The following MARCHF1 variants were observed in gnomAD, a reference collection of about 807,000 sequenced individuals.
MARCHF1 encodes E3 ubiquitin-protein ligase MARCHF1.
MARCHF1 carries 40 observed loss-of-function variants against 54.2 expected under a neutral mutation model. The ratio of observed to expected loss-of-function variants is 0.74; its 90% CI spans 0.57 to 0.96. MARCHF1 has a LOEUF of 0.96. Among genes scored for constraint, MARCHF1 ranks in the 40% least tolerant of loss-of-function variants. The pLI, the probability that MARCHF1 is intolerant of heterozygous loss-of-function variation, is 0.00. For missense variants in MARCHF1, 586 were observed against 656.5 expected, an observed-to-expected ratio of 0.89 and a Z score of 1.17; for synonymous variants, 236 against 236.3, an observed-to-expected ratio of 1.00 and a Z score of 0.01.
intron 1 of MARCHF1, among the ~76,000 whole-genome samples, chr4:164,158,337 T>C (rs753191800): frequency 6.6e-6 from 1 of 152,134 alleles, no homozygotes; most frequent in Non-Finnish European, 1.5e-5. Context: ...GAACCAAATA[T>C]GTGAATATGG....
intron 4 of MARCHF1, among the ~76,000 whole-genome samples, chr4:163,783,594 TTTG>T (rs2110913465): frequency 6.6e-6 from 1 of 152,342 alleles, no homozygotes; most frequent in Admixed American, 6.5e-5. Context: ...GATTTTTCCT[TTTG>T]TTTTCTTTGT....
At chr4:163,729,017 T>C (rs1206602082) in intron 4 of MARCHF1, among the ~76,000 whole-genome samples, 2 of 152,152 alleles carry the variant, frequency 1.3e-5, no homozygotes, top group Non-Finnish European at 2.9e-5. Flanking sequence ...TTCTTCTGTA[T>C]CTATTGATGT....
At chr4:163,860,441 A>G (rs1394197537) in intron 3 of MARCHF1, among the ~76,000 whole-genome samples, 1 of 152,160 alleles carries the variant, frequency 6.6e-6, no homozygotes, top group Non-Finnish European at 1.5e-5. Flanking sequence ...ACAGTCTTAC[A>G]AAAAAGACTT....
At chr4:163,836,717 A>T (rs1421948238) in intron 4 of MARCHF1, among the ~76,000 whole-genome samples, 1 of 146,728 alleles carries the variant, frequency 6.8e-6, no homozygotes, top group Admixed American at 7.1e-5. Flanking sequence ...TGTAGTCATC[A>T]GCAGAGGTAA....
intron 2 of MARCHF1, among the ~76,000 whole-genome samples, chr4:164,032,834 C>A (rs1483137601): frequency 6.6e-6 from 1 of 152,030 alleles, no homozygotes; most frequent in Non-Finnish European, 1.5e-5. Flanking sequence ...CGAAAAAGAG[C>A]CTGCAAAGCC....
rs555849336 is a variant in MARCHF1, at chr4:164,186,216, G to A, written c.-322-74554C>T. Among the ~76,000 whole-genome samples, 4 of 152,260 alleles carry A rather than the reference G, an allele frequency of 2.6e-5. No individual in the cohort carries two copies. The East Asian group carries it at 5.8e-4, about 22-fold the overall frequency. On this transcript the variant is annotated intron_variant, in intron 1 of 9. Coordinates refer to ENST00000514618, the MANE Select transcript of MARCHF1 (RefSeq NM_001394959.1). ...CCAATTTCTGGTTTTAATAATCGTT[G>A]AAAATGCAGTAATCCTGAAGCCCCA...
chr4:164,043,648 G>A (rs1466625483), intron 2 of MARCHF1, among the ~76,000 whole-genome samples: 1 of 152,158 alleles, frequency 6.6e-6, no homozygotes, highest in Non-Finnish European at 1.5e-5. Context: ...TGTCACTTAT[G>A]CAAACTTCTA....
intron 3 of MARCHF1, among the ~76,000 whole-genome samples, chr4:163,900,787 G>A (rs183734219): frequency 4.1e-4 from 63 of 152,180 alleles, no homozygotes; most frequent in Admixed American, 1.4e-3. Flanking sequence ...TAGGTACTGA[G>A]GGAATATTGA....
At chr4:163,727,330 C>T (rs561136835) in intron 4 of MARCHF1, among the ~76,000 whole-genome samples, 76 of 145,296 alleles carry the variant, frequency 5.2e-4, no homozygotes, top group Middle Eastern at 3.6e-3. Context: ...TTTTTTTTGA[C>T]GGAGTCTCGC....
chr4:164,204,300 TATA>T (rs1462892375), intron 1 of MARCHF1, among the ~76,000 whole-genome samples: 1 of 152,180 alleles, frequency 6.6e-6, no homozygotes, highest in African/African-American at 2.4e-5. Flanking sequence ...GAAATCAACA[TATA>T]AGAGCAGTCA....
intron 2 of MARCHF1, among the ~76,000 whole-genome samples, chr4:164,068,676 C>T (rs1000480189): frequency 1.1e-4 from 17 of 152,254 alleles, no homozygotes; most frequent in African/African-American, 2.9e-4. Context: ...GCCTCCCTGA[C>T]GAGTGCCGCC....
chr4:164,108,965 C>A (rs1467556710), intron 2 of MARCHF1, among the ~76,000 whole-genome samples: 1 of 151,992 alleles, frequency 6.6e-6, no homozygotes, highest in Non-Finnish European at 1.5e-5. Flanking sequence ...GCTCCCAGGG[C>A]AATTCCCATT....
intron 2 of MARCHF1, among the ~76,000 whole-genome samples, chr4:164,096,362 T>G (rs1463186137): frequency 6.6e-6 from 1 of 151,986 alleles, no homozygotes; most frequent in Non-Finnish European, 1.5e-5. Flanking sequence ...GGAAGCTAAA[T>G]CTTGGGTTCC....
rs527504498 is a variant in MARCHF1 at position 163,638,500 on chromosome 4, C to T, written c.163-25107G>A. Among the ~76,000 whole-genome samples the T allele has an allele frequency of 2.0e-5, 3 of 152,178 alleles. No individual in the cohort carries two copies. The South Asian group carries it at 6.2e-4, about 32-fold the overall frequency. Reference sequence around the variant, plus strand: ...GCTATGATTGAAAGTTTCCTGAGGCCCTCGCCAGAAGCTGAGCACATGCTG... The same window carrying T: ...GCTATGATTGAAAGTTTCCTGAGGCTCTCGCCAGAAGCTGAGCACATGCTG... On this transcript the variant is annotated intron_variant, in intron 5 of 9. Coordinates refer to ENST00000514618, the MANE Select transcript of MARCHF1 (RefSeq NM_001394959.1).
intron 1 of MARCHF1, among the ~76,000 whole-genome samples, chr4:164,131,041 G>A (rs900885536): frequency 2.0e-5 from 3 of 152,094 alleles, no homozygotes; most frequent in Non-Finnish European, 4.4e-5. Context: ...CATAAACCAT[G>A]TGAAAATCAA....
intron 1 of MARCHF1, among the ~76,000 whole-genome samples, chr4:164,264,928 A>C (rs2111289999): frequency 6.6e-6 from 1 of 150,636 alleles, no homozygotes; most frequent in Non-Finnish European, 1.5e-5. Flanking sequence ...CGAAAAAAAA[A>C]AAACAAAAAA....
At chr4:164,062,674 G>A (rs903369262) in intron 2 of MARCHF1, among the ~76,000 whole-genome samples, 1 of 151,900 alleles carries the variant, frequency 6.6e-6, no homozygotes, top group African/African-American at 2.4e-5. Context: ...ACAGGCACCC[G>A]CCACCATGCC....
chr4:164,349,268 T>C (rs1730207636), intron 1 of MARCHF1, among the ~76,000 whole-genome samples: 1 of 152,352 alleles, frequency 6.6e-6, no homozygotes, highest in African/African-American at 2.4e-5. Context: ...CAAAGTGCTA[T>C]GAACTCCAAG....
chr4:163,937,977 T>C (rs898712100), intron 3 of MARCHF1, among the ~76,000 whole-genome samples: 4 of 152,150 alleles, frequency 2.6e-5, no homozygotes, highest in Non-Finnish European at 4.4e-5. Flanking sequence ...AACATATTGG[T>C]CAATGGCTCA....
Sources: gnomAD v4.1 joint callset for allele counts (sites outside exome capture counted in the v4.1 genomes callset) on GRCh38, gnomAD v4.1.1 for gene constraint, MANE v1.5 for transcripts, NCBI Gene and HGNC (gene_info 2026-07-23, HGNC 2026-07-21) for gene names.